GAK: variants seen among roughly 807,000 people sequenced by gnomAD.
GAK encodes the protein cyclin-G-associated kinase.
A neutral mutation model predicts 143.9 loss-of-function variants in GAK; 79 were observed. The ratio of observed to expected loss-of-function variants is 0.55; its 90% CI spans 0.46 to 0.66. GAK has a LOEUF of 0.66. Ranked by LOEUF, GAK falls within the 30% of genes least tolerant of loss-of-function variation. The pLI is 0.00. For synonymous variants in GAK, 881 were observed against 765.5 expected (o/e 1.15, Z -2.49); for missense variants, 1,693 against 1,779.7 (o/e 0.95, Z 0.88).
intron 23 of GAK, among the ~76,000 whole-genome samples, chr4:863,670 T>C (rs927433720): frequency 1.3e-5 from 2 of 152,210 alleles, no homozygotes; most frequent in African/African-American, 4.8e-5. Flanking sequence ...TTTTTAGCAA[T>C]GAAGTATTTC....
At chr4:850,145 G>A (rs145568974) in intron 26 of GAK, 77 bp from the exon 27 acceptor site, 455 of 1,374,324 alleles carry the variant, frequency 3.3e-4, no homozygotes, top group Non-Finnish European at 4.0e-4. Flanking sequence ...ACTGAGGCAC[G>A]ACGCTGAGGA....
intron 2 of GAK, 147 bp downstream of exon 2, chr4:913,460 G>A (rs922612744): frequency 1.5e-6 from 1 of 665,820 alleles, no homozygotes; most frequent in African/African-American, 1.8e-5. Context: ...AGGCTGCTGA[G>A]ATTCAGCAGA....
rs147175932 is a variant in GAK, at chr4:859,671, C to T, written c.3218G>A (p.Ser1073Asn). 6 of 1,603,416 alleles carry T rather than the reference C, an allele frequency of 3.7e-6. No individual in the cohort carries two copies. The Admixed American group carries it at 5.0e-5, about 13-fold the overall frequency. The part of the protein sequence containing the change: ...GQPAPCGSQA[S>N]WTKSQNPDPF... ...GTCCGGGTTCTGAGACTTGGTCCAG[C>T]TGGCCTGAGAGCCACAAGGGGCCGG... Residue 1073 changes from serine to asparagine, a missense_variant, in exon 24 of 28, where the codon AGC (serine) becomes AAC (asparagine). By Grantham distance (46) the Ser-to-Asn change is conservative. Around this residue, in one of 2 missense-constraint regions of GAK, gnomAD observed 822 missense variants for 788.7 expected, o/e 1.04. Coordinates refer to ENST00000314167, the MANE Select transcript of GAK (RefSeq NM_005255.4).
At chr4:863,917 G>A (rs917511242) in intron 23 of GAK, among the ~76,000 whole-genome samples, 9 of 152,182 alleles carry the variant, frequency 5.9e-5, no homozygotes, top group African/African-American at 1.9e-4. Context: ...CAGCTACTCA[G>A]GAGGCTGAGG....
chr4:884,401 T>G, intron 11 of GAK: 1 of 329,160 alleles, frequency 3.0e-6, no homozygotes, highest in Non-Finnish European at 5.7e-6. Context: ...GGCCCAGGAG[T>G]GGGCTGGGAG....
intron 4 of GAK, among the ~76,000 whole-genome samples, chr4:909,028 A>T (rs1339096213): frequency 6.6e-6 from 1 of 152,144 alleles, no homozygotes; most frequent in East Asian, 1.9e-4. Flanking sequence ...TTACAATACA[A>T]AAGAGACGGG....
At chr4:858,095 C>T (rs1749608162) in intron 24 of GAK, among the ~76,000 whole-genome samples, 1 of 152,212 alleles carries the variant, frequency 6.6e-6, no homozygotes, top group African/African-American at 2.4e-5. Context: ...AATCCTAGTT[C>T]TCTGAGGACA....
At chr4:893,317 G>A in intron 9 of GAK, 60 bp downstream of exon 9, 2 of 1,238,076 alleles carry the variant, frequency 1.6e-6, no homozygotes, top group Non-Finnish European at 2.2e-6. Flanking sequence ...GGGATCTGGG[G>A]CTCATGTGTG....
chr4:921,283 AG>A (rs1723887160), intron 1 of GAK, among the ~76,000 whole-genome samples: 1 of 152,082 alleles, frequency 6.6e-6, no homozygotes, highest in Admixed American at 6.6e-5. Context: ...TTGTATTTTT[AG>A]TAGAGACGGG....
chr4:911,560 C>T, intron 4 of GAK, 113 bp downstream of exon 4: 1 of 734,364 alleles, frequency 1.4e-6, no homozygotes, highest in Non-Finnish European at 2.4e-6. Flanking sequence ...AAGACCAACA[C>T]AGCTTGAGAG....
At chr4:855,170 C>T (rs978526043) in intron 24 of GAK, among the ~76,000 whole-genome samples, 3 of 152,290 alleles carry the variant, frequency 2.0e-5, no homozygotes, top group Admixed American at 6.5e-5. Context: ...TACAGATGCA[C>T]ACAGGAGAAC....
At chr4:892,216 C>T (rs1717811959) in intron 9 of GAK, among the ~76,000 whole-genome samples, 2 of 152,208 alleles carry the variant, frequency 1.3e-5, no homozygotes, top group Non-Finnish European at 2.9e-5. Flanking sequence ...CTGCAGTGGC[C>T]CCTGGAAGTT....
chr4:885,838 C>G (rs1716225835), intron 11 of GAK: 1 of 152,176 alleles, frequency 6.6e-6, no homozygotes, highest in Non-Finnish European at 1.5e-5. Flanking sequence ...ACAATCACAA[C>G]TCACTGCAGC....
intron 27 of GAK, 58 bp downstream of exon 27, chr4:849,834 A>ACCCCCCCCCCC (rs33919242): frequency 8.8e-5 from 83 of 948,300 alleles, no homozygotes; most frequent in African/African-American, 1.8e-4. Context: ...GCGGGGCAGG[A>ACCCCCCCCCCC]CCCCCCCCCC....
rs548260806 is a variant in GAK, at chr4:876,686, T to C, written c.1975-77A>G. 5.8e-5 allele frequency: 74 copies of C among 1,285,668 alleles called. No individual in the cohort carries two copies. In the African/African-American group the frequency reaches 9.0e-4, roughly 16 times the overall value. 79.6% of individuals were successfully genotyped at this position (1,285,668 alleles called of 1,614,324 possible). A position where few individuals can be genotyped will look rare whatever the true frequency, so the allele number is the denominator to read the frequency against. ...GGGGCCACAGGCCAATTTTTCCCAA[T>C]GGGCGAGATCTGAGAGCGGCTCATG... On this transcript the variant is annotated intron_variant, in intron 17 of 27. Transcript: ENST00000314167.
chr4:889,613 G>A (rs917923895), intron 10 of GAK, among the ~76,000 whole-genome samples: 1 of 152,202 alleles, frequency 6.6e-6, no homozygotes. Flanking sequence ...GACCCACACT[G>A]CACGGACCGG....
chr4:909,116 G>C (rs938270055), intron 4 of GAK, among the ~76,000 whole-genome samples: 2 of 152,242 alleles, frequency 1.3e-5, no homozygotes, highest in Admixed American at 6.5e-5. Flanking sequence ...CAAAGTGCTA[G>C]GATTACAGGC....
chr4:849,833 G>GGGCGGCCCC, intron 27 of GAK, 59 bp from the exon 28 acceptor site: 1 of 1,190,156 alleles, frequency 8.4e-7, no homozygotes, highest in Non-Finnish European at 1.2e-6. Context: ...GGCGGGGCAG[G>GGGCGGCCCC]ACCCCCCCCC....
chr4:931,048 G>C (rs1037853080), intron 1 of GAK, among the ~76,000 whole-genome samples: 1 of 152,208 alleles, frequency 6.6e-6, no homozygotes, highest in Non-Finnish European at 1.5e-5. Flanking sequence ...AGTCAACTGT[G>C]TTTAGCCCAT....
Sources: gnomAD v4.1 joint callset for allele counts (sites outside exome capture counted in the v4.1 genomes callset) on GRCh38, gnomAD v4.1.1 for gene constraint, gnomAD v4.1.1 regional missense constraint, MANE v1.5 for transcripts, NCBI Gene and HGNC (gene_info 2026-07-23, HGNC 2026-07-21) for gene names.